Variants in CAMK2D observed in about 807,000 individuals in gnomAD.
CAMK2D encodes the protein calcium/calmodulin-dependent protein kinase type II subunit delta.
In CAMK2D, 37 loss-of-function variants were observed where a neutral mutation model predicts 84.0. The ratio of observed to expected loss-of-function variants is 0.44; its 90% CI spans 0.34 to 0.58. The LOEUF (loss-of-function observed/expected upper bound fraction) is 0.58, where lower values mean the gene tolerates loss of function less well. Among genes scored for constraint, CAMK2D ranks in the 20% least tolerant of loss-of-function variants. CAMK2D has a pLI of 0.02. For missense variants in CAMK2D, 448 were observed against 652.5 expected (o/e 0.69, Z 3.41); for synonymous variants, 202 against 212.5 (o/e 0.95, Z 0.43).
chr4:113,691,517 C>T (rs1236459432), intron 2 of CAMK2D, among the ~76,000 whole-genome samples: 2 of 152,146 alleles, frequency 1.3e-5, no homozygotes, highest in Non-Finnish European at 2.9e-5. Context: ...CTTTGGGAGG[C>T]CAAGGTGGGC....
chr4:113,483,632 C>T (rs1336130155), intron 16 of CAMK2D, among the ~76,000 whole-genome samples: 1 of 151,984 alleles, frequency 6.6e-6, no homozygotes, highest in Non-Finnish European at 1.5e-5. Flanking sequence ...TCTCAAACTC[C>T]GGACCCCAGG....
intron 3 of CAMK2D, among the ~76,000 whole-genome samples, chr4:113,645,870 A>G (rs1003541780): frequency 2.6e-5 from 4 of 152,232 alleles, no homozygotes; most frequent in African/African-American, 9.6e-5. Context: ...AAGATGATTC[A>G]AATGCTGCAG....
chr4:113,545,197 C>A (rs1036517958), intron 6 of CAMK2D, among the ~76,000 whole-genome samples: 14 of 152,096 alleles, frequency 9.2e-5, no homozygotes, highest in African/African-American at 3.4e-4. Context: ...CAGGTATAAG[C>A]CCCTACGTTA....
intron 8 of CAMK2D, among the ~76,000 whole-genome samples, chr4:113,521,728 T>G (rs1418969035): frequency 6.6e-6 from 1 of 152,036 alleles, no homozygotes; most frequent in Non-Finnish European, 1.5e-5. Context: ...ATTATTAAAA[T>G]TTTAAAACTA....
chr4:113,523,660 T>G (rs1409427747), intron 8 of CAMK2D, among the ~76,000 whole-genome samples: 2 of 151,888 alleles, frequency 1.3e-5, no homozygotes, highest in African/African-American at 4.8e-5. Flanking sequence ...TAGTCCCCAC[T>G]ACAGGGGAGG....
intron 4 of CAMK2D, among the ~76,000 whole-genome samples, chr4:113,561,377 G>A (rs2098698071): frequency 6.6e-6 from 1 of 152,172 alleles, no homozygotes; most frequent in East Asian, 1.9e-4. Flanking sequence ...AAGAGGCTTA[G>A]GGAGAAGGAT....
At chr4:113,738,201 T>C (rs1276369572) in intron 2 of CAMK2D, among the ~76,000 whole-genome samples, 3 of 150,766 alleles carry the variant, frequency 2.0e-5, no homozygotes, top group Admixed American at 6.6e-5. Flanking sequence ...TCTAAATATG[T>C]TCTTTGAAAA....
chr4:113,676,348 T>TA (rs1413572717), intron 2 of CAMK2D, among the ~76,000 whole-genome samples: 3 of 152,208 alleles, frequency 2.0e-5, no homozygotes, highest in African/African-American at 7.2e-5. Context: ...ATCAGGGAGT[T>TA]AAAAATCACA....
At chr4:113,716,142 G>A (rs562102382) in intron 2 of CAMK2D, among the ~76,000 whole-genome samples, 36 of 152,146 alleles carry the variant, frequency 2.4e-4, no homozygotes, top group African/African-American at 5.8e-4. Flanking sequence ...GATATGGATC[G>A]CAACTCAATT....
chr4:113,585,754 A>T lies in CAMK2D; in HGVS notation c.275+23398T>A, dbSNP rs185048692. On this transcript the variant is annotated intron_variant, in intron 4 of 20. Transcript: ENST00000511664. ...TAGTATATAGTACAGTATATAGTAT[A>T]GTATAGATTAGTATATAGAACTTTG... 4.6e-5 allele frequency among the ~76,000 whole-genome samples: 7 copies of T among 151,910 alleles called. No homozygotes were observed. The East Asian group carries it at 1.2e-3, about 25-fold the overall frequency.
At position 113,502,994 on chromosome 4, in the gene CAMK2D, T is replaced by C. The variant is rs779023179; in HGVS notation, c.1045-17A>G. On this transcript the variant is annotated splice_polypyrimidine_tract_variant and intron_variant, in intron 14 of 20. Transcript: ENST00000511664. ...TTGGGGCTCCTGAGTGAGAACAAAA[T>C]AGAGAAAGAAACAGTTCGCATTGGT... The C allele has an allele frequency of 3.8e-6, 6 of 1,586,330 alleles. No individual in the cohort carries two copies. In the South Asian group the frequency reaches 5.5e-5, roughly 15 times the overall value.
At chr4:113,617,915 C>CACACACAT (rs1172304874) in intron 3 of CAMK2D, among the ~76,000 whole-genome samples, 2 of 151,916 alleles carry the variant, frequency 1.3e-5, no homozygotes, top group Non-Finnish European at 1.5e-5. Context: ...GGGTCATACA[C>CACACACAT]ACACACTCAC....
intron 8 of CAMK2D, among the ~76,000 whole-genome samples, chr4:113,529,264 A>G (rs1368926683): frequency 6.6e-6 from 1 of 152,160 alleles, no homozygotes; most frequent in Non-Finnish European, 1.5e-5. Context: ...TCAGTTTAAG[A>G]TCAAACATCA....
chr4:113,638,283 T>C (rs1401235222), intron 3 of CAMK2D, among the ~76,000 whole-genome samples: 1 of 152,124 alleles, frequency 6.6e-6, no homozygotes, highest in Non-Finnish European at 1.5e-5. Flanking sequence ...TGTATGTGTG[T>C]GTGTGTCAGA....
chr4:113,727,154 C>T (rs537782743), intron 2 of CAMK2D, among the ~76,000 whole-genome samples: 155 of 152,202 alleles, frequency 1.0e-3, no homozygotes, highest in African/African-American at 3.7e-3. Context: ...TAGGTTCATT[C>T]TCACAAAATT....
chr4:113,477,278 A>G (rs2097640666), intron 16 of CAMK2D, among the ~76,000 whole-genome samples: 1 of 152,198 alleles, frequency 6.6e-6, no homozygotes, highest in Admixed American at 6.5e-5. Flanking sequence ...GTTAAAGCTT[A>G]CTTTGGGAAG....
intron 4 of CAMK2D, among the ~76,000 whole-genome samples, chr4:113,568,827 G>A (rs1365182885): frequency 2.0e-5 from 3 of 151,786 alleles, no homozygotes; most frequent in Non-Finnish European, 4.4e-5. Context: ...GGTTTGATGT[G>A]TATTTCTCTA....
rs77551138 is a variant in CAMK2D, at chr4:113,718,598, G to A, written c.160+40722C>T. 9.5e-3 allele frequency among the ~76,000 whole-genome samples: 1,444 copies of A among 152,254 alleles called. 15 individuals are homozygous for A. The highest frequency in any genetic ancestry group is 0.032 in the African/African-American group (1,313 of 41,548). ...TAATTTCTAATATTGTGGCTAGTTC[G>A]TTTGTTAGTCCTGCAAAGGCACTCT... On this transcript the variant is annotated intron_variant, in intron 2 of 20. Coordinates refer to ENST00000511664, the MANE Select transcript of CAMK2D (RefSeq NM_001321571.2).
chr4:113,591,839 A>G (rs983824947), intron 4 of CAMK2D, among the ~76,000 whole-genome samples: 2 of 152,076 alleles, frequency 1.3e-5, no homozygotes, highest in Non-Finnish European at 2.9e-5. Flanking sequence ...AATTCTACTC[A>G]ATGTAGAGTC....
Sources: allele counts gnomAD v4.1 joint callset (sites outside exome capture counted in the v4.1 genomes callset), GRCh38; gene constraint gnomAD v4.1.1; transcripts MANE v1.5; gene names NCBI Gene and HGNC (gene_info 2026-07-23, HGNC 2026-07-21).